The following SOX30 variants were observed in gnomAD, a reference collection of about 807,000 sequenced individuals.
SOX30 encodes the protein SRY-box transcription factor 30, also known as transcription factor SOX-30.
In SOX30, 17 loss-of-function variants were observed where a neutral mutation model predicts 58.6. The ratio of observed to expected loss-of-function variants is 0.29; its 90% confidence interval spans 0.20 to 0.44. The LOEUF (loss-of-function observed/expected upper bound fraction) is 0.44. Ranked by LOEUF, SOX30 falls within the 20% of genes least tolerant of loss-of-function variation. The pLI is 1.00. For missense variants in SOX30, 951 were observed against 965.8 expected (o/e 0.98, Z 0.20); for synonymous variants, 421 against 400.2 (o/e 1.05, Z -0.62).
upstream of SOX30, among the ~76,000 whole-genome samples, chr5:157,653,672 A>G (rs780709421): frequency 6.6e-6 from 1 of 152,208 alleles, no homozygotes; most frequent in Non-Finnish European, 1.5e-5. Context: ...TCTAAATGAC[A>G]TTCTGGCCAA....
chr5:157,653,141 C>T (rs943787169), upstream of SOX30, among the ~76,000 whole-genome samples: 20 of 152,200 alleles, frequency 1.3e-4, no homozygotes, highest in African/African-American at 4.3e-4. Context: ...GGTGTTTAAA[C>T]ATGCTCAGCA....
chr5:157,670,543 G>A (rs1002712321), intron 1 of SOX30, among the ~76,000 whole-genome samples: 1 of 152,184 alleles, frequency 6.6e-6, no homozygotes, highest in Non-Finnish European at 1.5e-5. Flanking sequence ...GAAGTGAAGT[G>A]TGAAGAGAGA....
chr5:157,645,392 G>A (rs1038011050), intron 3 of SOX30, among the ~76,000 whole-genome samples: 2 of 152,114 alleles, frequency 1.3e-5, no homozygotes, highest in Non-Finnish European at 2.9e-5. Flanking sequence ...GGCCAGATAT[G>A]GTGGTTCACA....
chr5:157,630,988 CTA>C (rs1204372788), intron 4 of SOX30, among the ~76,000 whole-genome samples: 3 of 115,578 alleles, frequency 2.6e-5, no homozygotes, highest in Non-Finnish European at 3.4e-5. Context: ...TATATATATA[CTA>C]TATATATTTT....
chr5:157,630,853 T>TTATATATTTTTATATATATATATACAATA (rs1279390420), intron 4 of SOX30, among the ~76,000 whole-genome samples: 1 of 120,686 alleles, frequency 8.3e-6, no homozygotes, highest in Admixed American at 8.8e-5. Context: ...TATATATATA[T>TTATATATTTTTATATATATATATACAATA]TATATATTTT....
At chr5:157,649,639 A>G (rs1269414963) in intron 1 of SOX30, among the ~76,000 whole-genome samples, 1 of 151,996 alleles carries the variant, frequency 6.6e-6, no homozygotes. Context: ...AAAATACAAA[A>G]ATTAGCCAGG....
intron 4 of SOX30, among the ~76,000 whole-genome samples, chr5:157,628,528 G>A (rs1758716361): frequency 6.6e-6 from 1 of 151,954 alleles, no homozygotes. Context: ...CCTTGCTCAT[G>A]TTAATTATAA....
At chr5:157,652,692 A>G (rs1197655524), upstream of SOX30, among the ~76,000 whole-genome samples, 2 of 152,236 alleles carry the variant, frequency 1.3e-5, no homozygotes, top group East Asian at 1.9e-4. Context: ...TAAAGTTTCA[A>G]TTAATCACCA....
chr5:157,665,908 T>C (rs1470340722), intron 2 of SOX30, among the ~76,000 whole-genome samples: 1 of 148,178 alleles, frequency 6.7e-6, no homozygotes, highest in Admixed American at 6.7e-5. Flanking sequence ...TCCCTTTTTT[T>C]TTTTTTTTTT....
At chr5:157,646,905 T>G (rs1457403614) in intron 2 of SOX30, 89 bp from the exon 3 acceptor site, 1 of 976,064 alleles carries the variant, frequency 1.0e-6, no homozygotes, top group Non-Finnish European at 1.6e-6. Context: ...CACTTTAAAG[T>G]GTTTTAAAAA....
upstream of SOX30, among the ~76,000 whole-genome samples, chr5:157,656,863 G>T (rs973115729): frequency 1.3e-4 from 20 of 152,204 alleles, no homozygotes; most frequent in African/African-American, 4.8e-4. Context: ...CATTCTGTGT[G>T]TGAATATATT....
intron 4 of SOX30, among the ~76,000 whole-genome samples, chr5:157,632,832 T>C (rs1758843792): frequency 1.3e-5 from 2 of 152,190 alleles, no homozygotes; most frequent in African/African-American, 2.4e-5. Flanking sequence ...CTCACGCCTG[T>C]AATCCCAACA....
chr5:157,656,342 A>G (rs895926050), upstream of SOX30, among the ~76,000 whole-genome samples: 1 of 151,526 alleles, frequency 6.6e-6, no homozygotes, highest in African/African-American at 2.5e-5. Flanking sequence ...AAATAAAAAT[A>G]TCTTAAAATG....
chr5:157,668,624 C>T (rs1581411839), intron 1 of SOX30, among the ~76,000 whole-genome samples: 1 of 152,308 alleles, frequency 6.6e-6, no homozygotes, highest in South Asian at 2.1e-4. Flanking sequence ...CTTGAACACA[C>T]AATCAGAACA....
chr5:157,633,307 G>A (rs1168461408), intron 4 of SOX30, among the ~76,000 whole-genome samples: 1 of 152,102 alleles, frequency 6.6e-6, no homozygotes, highest in Non-Finnish European at 1.5e-5. Flanking sequence ...CCAAGTAGCT[G>A]GGACTACAGG....
chr5:157,633,260 T>G (rs1758853225), intron 4 of SOX30, among the ~76,000 whole-genome samples: 1 of 152,136 alleles, frequency 6.6e-6, no homozygotes, highest in Non-Finnish European at 1.5e-5. Context: ...GATCACAATT[T>G]GTTGCCAAGA....
chr5:157,648,201 T>A (rs1282449730), intron 2 of SOX30, among the ~76,000 whole-genome samples: 2 of 152,218 alleles, frequency 1.3e-5, no homozygotes, highest in Non-Finnish European at 2.9e-5. Flanking sequence ...GGGCTAAATC[T>A]ATCAATCAGA....
At chr5:157,662,300 G>A (rs1759592464) in intron 2 of SOX30, among the ~76,000 whole-genome samples, 1 of 151,862 alleles carries the variant, frequency 6.6e-6, no homozygotes, top group Non-Finnish European at 1.5e-5. Flanking sequence ...GGAATTAACT[G>A]TAAGTTTCAC....
chr5:157,669,355 G>A (rs1042173516), intron 1 of SOX30, among the ~76,000 whole-genome samples: 9 of 151,884 alleles, frequency 5.9e-5, no homozygotes, highest in African/African-American at 1.2e-4. Flanking sequence ...CACCACACTC[G>A]GCTAATTTTT....
Sources: gnomAD v4.1 joint callset for allele counts (sites outside exome capture counted in the v4.1 genomes callset) on GRCh38, gnomAD v4.1.1 for gene constraint, MANE v1.5 for transcripts, NCBI Gene and HGNC (gene_info 2026-07-23, HGNC 2026-07-21) for gene names.